Variants in TBC1D21 observed in about 807,000 individuals in gnomAD.
The protein encoded by TBC1D21 is TBC1 domain family member 21.
TBC1D21 carries 38 observed loss-of-function variants against 46.0 expected under a neutral mutation model. The ratio of observed to expected loss-of-function variants is 0.83; its 90% CI spans 0.64 to 1.08. TBC1D21 has a LOEUF of 1.08. Among genes scored for constraint, TBC1D21 ranks in the 50% least tolerant of loss-of-function variants. The pLI, the probability that TBC1D21 is intolerant of heterozygous loss-of-function variation, is 0.00. For synonymous variants in TBC1D21, 151 were observed against 157.2 expected, an observed-to-expected ratio of 0.96 and a Z score of 0.29; for missense variants, 415 against 417.9, an observed-to-expected ratio of 0.99 and a Z score of 0.06.
rs145695300 is a variant in TBC1D21 at position 73,873,948 on chromosome 15, C to G, written c.60+179C>G. Among the ~76,000 whole-genome samples, 231 of 152,294 alleles carry G rather than the reference C, an allele frequency of 1.5e-3. 2 individuals carry two copies. The Middle Eastern group carries it at 0.017, about 11-fold the overall frequency. Reference sequence around the variant, plus strand: ...AGGACAGGACTGAGACATCCAAGCCCCCTTTCACCTTCTTTCCAAGCCAGC... The same window carrying G: ...AGGACAGGACTGAGACATCCAAGCCGCCTTTCACCTTCTTTCCAAGCCAGC... On this transcript the variant is annotated intron_variant, in intron 1 of 10. Coordinates refer to ENST00000300504, the MANE Select transcript of TBC1D21 (RefSeq NM_153356.3).
Position 73,889,060 on chromosome 15 carries a change from C to A in TBC1D21, c.979-9C>A, listed in dbSNP as rs1208513196. 5 of 1,613,416 alleles carry A rather than the reference C, an allele frequency of 3.1e-6. No individual in the cohort carries two copies. The highest frequency in any genetic ancestry group is 4.2e-6 in the Non-Finnish European group (5 of 1,179,824). Reference sequence around the variant, plus strand: ...ATGTCTGTGCACCTCCCACCTGCCTCCTCCCTAGGTTCCTCAGACATTAAA... The same window carrying A: ...ATGTCTGTGCACCTCCCACCTGCCTACTCCCTAGGTTCCTCAGACATTAAA... On this transcript the variant is annotated splice_polypyrimidine_tract_variant and intron_variant, in intron 10 of 10. Transcript: ENST00000300504.
the TBC1D21 span, among the ~76,000 whole-genome samples, chr15:73,894,723 C>T: frequency 6.6e-6 from 1 of 152,134 alleles, no homozygotes; most frequent in Non-Finnish European, 1.5e-5. Context: ...GCAGGAGTAG[C>T]CTCTCTTTCC....
chr15:73,898,880 A>AAAAAAAAAAAT, the TBC1D21 span, among the ~76,000 whole-genome samples: 171 of 56,772 alleles, frequency 3.0e-3, 6 homozygotes, highest in Non-Finnish European at 4.4e-3. Flanking sequence ...AAAAAAAAAA[A>AAAAAAAAAAAT]ATATATATAT....
At chr15:73,894,306 G>A in the TBC1D21 span, among the ~76,000 whole-genome samples, 2 of 152,188 alleles carry the variant, frequency 1.3e-5, no homozygotes, top group African/African-American at 4.8e-5. Context: ...CATCTCACAG[G>A]CCACCCCACC....
chr15:73,899,973 A>G, the TBC1D21 span, among the ~76,000 whole-genome samples: 1 of 152,148 alleles, frequency 6.6e-6, no homozygotes, highest in Non-Finnish European at 1.5e-5. Flanking sequence ...TGGGCAGCCC[A>G]GGAGTCCTGG....
chr15:73,896,240 A>G, the TBC1D21 span, among the ~76,000 whole-genome samples: 1 of 152,058 alleles, frequency 6.6e-6, no homozygotes, highest in African/African-American at 2.4e-5. Context: ...CTGCAGATGA[A>G]GTGGAGATGA....
At chr15:73,889,759 C>T (rs1009961341), downstream of TBC1D21, among the ~76,000 whole-genome samples, 5 of 152,210 alleles carry the variant, frequency 3.3e-5, no homozygotes, top group Admixed American at 1.3e-4. Flanking sequence ...TTTTATTTTC[C>T]AGTCTTGATC....
At position 73,880,328 on chromosome 15, in the gene TBC1D21, A is replaced by ACACACC. The variant is rs762418406; in HGVS notation, c.61-1070_61-1069insACACCC. Among the ~76,000 whole-genome samples the ACACACC allele has an allele frequency of 7.3e-5, 11 of 150,886 alleles. No individual in the cohort carries two copies. The East Asian group carries it at 9.7e-4, about 13-fold the overall frequency. ...ACCACACACACACACACACACACACACCCTTATCAAAAGCAGAGACTATCT... is the reference window on the plus strand; with the variant it reads ...ACCACACACACACACACACACACACACACACCCCCTTATCAAAAGCAGAGACTATCT... On this transcript the variant is annotated intron_variant, in intron 1 of 10. Coordinates refer to ENST00000300504, the MANE Select transcript of TBC1D21 (RefSeq NM_153356.3).
chr15:73,883,012 G>A (rs1052463707), intron 3 of TBC1D21, among the ~76,000 whole-genome samples: 6 of 152,212 alleles, frequency 3.9e-5, no homozygotes, highest in Non-Finnish European at 7.3e-5. Context: ...GGAGGGCTCC[G>A]TACACACTGG....
At chr15:73,885,901 T>C (rs902348260) in intron 6 of TBC1D21, among the ~76,000 whole-genome samples, 177 bp from the exon 7 acceptor site, 2 of 151,278 alleles carry the variant, frequency 1.3e-5, no homozygotes, top group African/African-American at 4.9e-5. Flanking sequence ...CAGATCACAG[T>C]CACATAGATA....
At chr15:73,908,850 G>A in the TBC1D21 span, among the ~76,000 whole-genome samples, 1 of 152,234 alleles carries the variant, frequency 6.6e-6, no homozygotes, top group South Asian at 2.1e-4. Context: ...AACCAGACCA[G>A]TGAACTTTTC....
intron 1 of TBC1D21, among the ~76,000 whole-genome samples, chr15:73,875,771 C>G (rs2068049293): frequency 6.6e-6 from 1 of 152,196 alleles, no homozygotes; most frequent in South Asian, 2.1e-4. Context: ...TGGAGGGTAT[C>G]CAGCCCCCTC....
the TBC1D21 span, among the ~76,000 whole-genome samples, chr15:73,894,585 G>A: frequency 6.6e-6 from 1 of 152,322 alleles, no homozygotes; most frequent in Middle Eastern, 3.4e-3. Context: ...GGTGAGTGTG[G>A]GGACCCAAGA....
the TBC1D21 span, chr15:73,907,975 A>G: frequency 6.6e-6 from 1 of 152,202 alleles, no homozygotes; most frequent in Admixed American, 6.5e-5. Context: ...TCCTCTCCCT[A>G]TGTGGAAAGT....
At chr15:73,876,403 T>TC (rs1354822090) in intron 1 of TBC1D21, among the ~76,000 whole-genome samples, 1 of 147,688 alleles carries the variant, frequency 6.8e-6, no homozygotes, top group African/African-American at 2.5e-5. Flanking sequence ...AATTTTTGTT[T>TC]TTTTTTTTTT....
intron 7 of TBC1D21, 70 bp downstream of exon 7, chr15:73,886,244 T>G: frequency 1.2e-5 from 17 of 1,380,638 alleles, no homozygotes; most frequent in Non-Finnish European, 1.7e-5. Flanking sequence ...GACCCAACTG[T>G]CAGTCCCTAA....
chr15:73,906,359 C>T, the TBC1D21 span, among the ~76,000 whole-genome samples: 6 of 152,090 alleles, frequency 3.9e-5, no homozygotes, highest in South Asian at 4.2e-4. Flanking sequence ...CATGTGTCTC[C>T]GTGGGGTATG....
rs1306725581 is a variant in TBC1D21 at position 73,881,624 on chromosome 15, A to T, written c.169-20A>T. 1 of 1,607,272 alleles carries T rather than the reference A, an allele frequency of 6.2e-7. No individual in the cohort carries two copies. Among genetic ancestry groups the T allele is most frequent in the Admixed American group, 1.7e-5 (1 of 59,734 alleles). On this transcript the variant is annotated intron_variant, in intron 2 of 10. Coordinates refer to ENST00000300504, the MANE Select transcript of TBC1D21 (RefSeq NM_153356.3). Reference sequence around the variant, plus strand: ...GGCATCGATAGAGCCCATGACCTCCACCTCCCACCCCCACCCCAGGGTCTG... The same window carrying T: ...GGCATCGATAGAGCCCATGACCTCCTCCTCCCACCCCCACCCCAGGGTCTG...
chr15:73,887,608 C>T lies in TBC1D21; in HGVS notation c.778-12C>T, dbSNP rs767057389. ...GACCACAGGGCCCAGACTGAGACGT[C>T]CTGACCCACAGGTTCTGCTGACGGG... On this transcript the variant is annotated splice_polypyrimidine_tract_variant and intron_variant, in intron 8 of 10. Transcript: ENST00000300504. The T allele has an allele frequency of 1.2e-6, 2 of 1,613,232 alleles. No individual in the cohort carries two copies. Among genetic ancestry groups the T allele is most frequent in the South Asian group, 2.2e-5 (2 of 91,048 alleles).
Sources: allele counts gnomAD v4.1 joint callset (sites outside exome capture counted in the v4.1 genomes callset), GRCh38; gene constraint gnomAD v4.1.1; transcripts MANE v1.5; gene names NCBI Gene and HGNC (gene_info 2026-07-23, HGNC 2026-07-21).